THSD7B: variants seen among roughly 807,000 people sequenced by gnomAD.
THSD7B encodes the protein thrombospondin type 1 domain containing 7B.
Under a neutral mutation model 213.6 loss-of-function variants are expected in THSD7B, and 138 were observed. The observed-to-expected ratio is 0.65, with a 90% CI of 0.56 to 0.74. The LOEUF (loss-of-function observed/expected upper bound fraction) is 0.74, where lower values mean the gene tolerates loss of function less well. Among genes scored for constraint, THSD7B ranks in the 30% least tolerant of loss-of-function variants. The pLI is 0.00. For missense variants in THSD7B, 1,931 were observed against 1,991.5 expected (o/e 0.97, Z 0.58); for synonymous variants, 742 against 687.0 (o/e 1.08, Z -1.25).
At chr2:136,985,640 A>G (rs1685658354) in intron 2 of THSD7B, among the ~76,000 whole-genome samples, 2 of 152,360 alleles carry the variant, frequency 1.3e-5, no homozygotes, top group Middle Eastern at 6.8e-3. Flanking sequence ...TTCTACTACT[A>G]GGGCAGTACA....
At chr2:137,175,986 C>T (rs75582849) in intron 7 of THSD7B, among the ~76,000 whole-genome samples, 182 of 152,142 alleles carry the variant, frequency 1.2e-3, no homozygotes, top group African/African-American at 4.3e-3. Context: ...TTAAACTCTT[C>T]GATTATGTTG....
At chr2:137,430,152 T>C (rs1420583173) in intron 14 of THSD7B, among the ~76,000 whole-genome samples, 7 of 151,900 alleles carry the variant, frequency 4.6e-5, no homozygotes, top group Admixed American at 4.6e-4. Context: ...GAAACTGAGG[T>C]GGGAGGACTA....
At chr2:137,676,496 G>A (rs763897333) in intron 27 of THSD7B, 28 bp from the exon 28 acceptor site, 3 of 1,560,342 alleles carry the variant, frequency 1.9e-6, no homozygotes, top group Admixed American at 4.1e-5. Context: ...GAACTTACTT[G>A]ATCTGAGGAA....
chr2:136,918,198 A>G (rs1406331989), intron 2 of THSD7B, among the ~76,000 whole-genome samples: 1 of 152,210 alleles, frequency 6.6e-6, no homozygotes, highest in Non-Finnish European at 1.5e-5. Context: ...TGGAAACAAA[A>G]TTGACATGTT....
At chr2:137,034,167 A>G (rs960027850) in intron 2 of THSD7B, among the ~76,000 whole-genome samples, 5 of 152,104 alleles carry the variant, frequency 3.3e-5, no homozygotes, top group African/African-American at 1.2e-4. Context: ...CATGGTGTAT[A>G]TGTACCACAT....
intron 2 of THSD7B, among the ~76,000 whole-genome samples, chr2:136,960,643 T>C (rs1685200855): frequency 6.6e-6 from 1 of 152,190 alleles, no homozygotes; most frequent in African/African-American, 2.4e-5. Flanking sequence ...ATGTGGCCTT[T>C]AGTGTCAGGC....
Position 137,311,704 on chromosome 2 carries a change from T to G in THSD7B, c.2500+35678T>G, listed in dbSNP as rs537292434. 5.3e-5 allele frequency among the ~76,000 whole-genome samples: 8 copies of G among 151,938 alleles called. No homozygotes were observed. The East Asian group carries it at 1.4e-3, about 26-fold the overall frequency. ...CATCAATACCTAATTTATTGAGAGTTTTTAGCATGAAGGGTTGTTGAATTT... is the reference window on the plus strand; with the variant it reads ...CATCAATACCTAATTTATTGAGAGTGTTTAGCATGAAGGGTTGTTGAATTT... On this transcript the variant is annotated intron_variant, in intron 12 of 27. Coordinates refer to ENST00000409968, the MANE Select transcript of THSD7B (RefSeq NM_001316349.2).
At chr2:137,385,830 T>C (rs1365825599) in intron 12 of THSD7B, among the ~76,000 whole-genome samples, 1 of 152,208 alleles carries the variant, frequency 6.6e-6, no homozygotes, top group Non-Finnish European at 1.5e-5. Flanking sequence ...TCAAAGTCAT[T>C]ATGAAGGTGT....
At chr2:137,159,536 A>T (rs117421045) in intron 5 of THSD7B, among the ~76,000 whole-genome samples, 1 of 152,256 alleles carries the variant, frequency 6.6e-6, no homozygotes, top group East Asian at 1.9e-4. Context: ...TGTTGGAAAC[A>T]TGGTTGCTGC....
chr2:136,954,576 C>T (rs1207739996), intron 2 of THSD7B, among the ~76,000 whole-genome samples: 2 of 151,806 alleles, frequency 1.3e-5, no homozygotes, highest in Non-Finnish European at 2.9e-5. Context: ...ATTAGCTGGG[C>T]GAGGTGGCGG....
At chr2:137,565,698 G>A (rs767214623) in intron 16 of THSD7B, among the ~76,000 whole-genome samples, 2 of 152,106 alleles carry the variant, frequency 1.3e-5, no homozygotes, top group Non-Finnish European at 2.9e-5. Context: ...TTCTGGCGAG[G>A]GCTTTTTGTA....
At chr2:137,174,127 T>G (rs13028992) in intron 7 of THSD7B, among the ~76,000 whole-genome samples, 10,596 of 152,274 alleles carry the variant, frequency 0.07, 397 homozygotes, top group African/African-American at 0.094. Context: ...GAGGCCTACC[T>G]TAATTTGTAA....
chr2:137,424,146 A>C (rs750116174), intron 14 of THSD7B, among the ~76,000 whole-genome samples: 1 of 152,134 alleles, frequency 6.6e-6, no homozygotes, highest in Admixed American at 6.5e-5. Flanking sequence ...TCCTTATACC[A>C]TGACAAAAAT....
At chr2:137,432,806 G>A (rs1365805709) in intron 14 of THSD7B, among the ~76,000 whole-genome samples, 1 of 152,086 alleles carries the variant, frequency 6.6e-6, no homozygotes, top group African/African-American at 2.4e-5. Flanking sequence ...CCTAACTCAA[G>A]TCAGTTTCTT....
At chr2:137,032,269 G>T (rs971700055) in intron 2 of THSD7B, among the ~76,000 whole-genome samples, 4 of 152,036 alleles carry the variant, frequency 2.6e-5, no homozygotes, top group African/African-American at 9.7e-5. Context: ...GTTGATATTT[G>T]ACCTCAGGTC....
chr2:137,016,831 A>G (rs1000021907), intron 2 of THSD7B, among the ~76,000 whole-genome samples: 6 of 152,204 alleles, frequency 3.9e-5, no homozygotes, highest in African/African-American at 1.4e-4. Flanking sequence ...TTTAATGTAA[A>G]TACTTTTGCA....
intron 20 of THSD7B, among the ~76,000 whole-genome samples, chr2:137,627,601 G>A (rs1486589375): frequency 6.6e-6 from 1 of 152,190 alleles, no homozygotes; most frequent in Non-Finnish European, 1.5e-5. Context: ...GATTGTGTGA[G>A]AAACCAGGCA....
chr2:137,083,251 G>GAA (rs1687780487), intron 3 of THSD7B, among the ~76,000 whole-genome samples: 1 of 152,092 alleles, frequency 6.6e-6, no homozygotes, highest in Non-Finnish European at 1.5e-5. Context: ...TAACACCTAA[G>GAA]TTACCTCAGC....
intron 12 of THSD7B, among the ~76,000 whole-genome samples, chr2:137,320,093 A>G (rs933844209): frequency 2.0e-5 from 3 of 152,194 alleles, no homozygotes; most frequent in Non-Finnish European, 4.4e-5. Context: ...ATAAGAGAAA[A>G]TAAAACTGCC....
Sources: gnomAD v4.1 joint callset for allele counts (sites outside exome capture counted in the v4.1 genomes callset) on GRCh38, gnomAD v4.1.1 for gene constraint, MANE v1.5 for transcripts, NCBI Gene and HGNC (gene_info 2026-07-23, HGNC 2026-07-21) for gene names.